The following ENO3 variants were observed in gnomAD, a reference collection of about 807,000 sequenced individuals.
ENO3 encodes enolase 3, also known as beta-enolase.
In ENO3, 46 loss-of-function variants were observed where a neutral mutation model predicts 47.7. That is an observed-to-expected ratio of 0.96 (90% CI 0.76 to 1.23). The LOEUF (loss-of-function observed/expected upper bound fraction) is 1.23. Among genes scored for constraint, ENO3 ranks in the 50% most tolerant of loss-of-function variants. The probability of loss-of-function intolerance (pLI) is 0.00; values close to 1 mark genes in which losing one functional copy is unlikely to be tolerated. For missense variants in ENO3, 575 were observed against 566.2 expected (o/e 1.02, Z -0.16); for synonymous variants, 223 against 225.9 (o/e 0.99, Z 0.11).
intron 6 of ENO3, chr17:4,954,091 C>G (rs747486721): frequency 1.1e-5 from 7 of 611,444 alleles, no homozygotes; most frequent in South Asian, 1.9e-5. Context: ...ATCCTAGGCT[C>G]GATAACTCCA....
At chr17:4,955,657 A>G (rs768972207) in intron 8 of ENO3, 53 bp downstream of exon 8, 1 of 1,608,682 alleles carries the variant, frequency 6.2e-7, no homozygotes, top group South Asian at 1.1e-5. Flanking sequence ...GCAGCTGCCT[A>G]ATATACTGAT....
At chr17:4,950,072 G>T, upstream of ENO3, 1 of 152,012 alleles carries the variant, frequency 6.6e-6, no homozygotes, top group East Asian at 1.9e-4. Flanking sequence ...GGCCGGCGGG[G>T]CGGGGAGCAG....
intron 9 of ENO3, 181 bp downstream of exon 9, chr17:4,956,324 C>T (rs964528480): frequency 4.8e-5 from 39 of 818,768 alleles, no homozygotes; most frequent in Non-Finnish European, 6.5e-5. Context: ...AGCTTTGCCC[C>T]TGTGGCTCTG....
chr17:4,953,460 A>G (rs1971616213), intron 5 of ENO3, 119 bp downstream of exon 5: 1 of 1,470,206 alleles, frequency 6.8e-7, no homozygotes, highest in African/African-American at 1.4e-5. Context: ...CCGCAGCTGG[A>G]TGGATTTGTG....
At position 4,955,753 on chromosome 17, in the gene ENO3, C is replaced by T. The variant is rs528626466; in HGVS notation, c.865+149C>T. ...CCATTTAAGCTCTTCTGCCCTGTCA[C>T]CCCTCCATGAGGCTCCTTCTGACCT... is the stretch of plus-strand genomic sequence containing the variant. On this transcript the variant is annotated intron_variant, in intron 8 of 11. Coordinates refer to ENST00000519602, the MANE Select transcript of ENO3 (RefSeq NM_053013.4). The T allele has an allele frequency of 1.3e-4, 178 of 1,345,224 alleles. 1 individual carries two copies. In the South Asian group the frequency reaches 2.0e-3, roughly 15 times the overall value. 83.3% of individuals were successfully genotyped at this position (1,345,224 alleles called of 1,614,324 possible).
In ENO3 at chr17:4,952,818, A is replaced by G. The variant is rs1437923645; in HGVS notation, c.109A>G (p.Ser37Gly). ...AGGCCGATTCCGAGCAGCTGTGCCC[A>G]GTGGGGCTTCCACGGGTATCTATGA... is the stretch of plus-strand genomic sequence containing the variant. ...AKGRFRAAVP[S>G]GASTGIYEAL... is the part of the protein sequence containing the mutation. Residue 37 changes from serine to glycine, a missense_variant, in exon 3 of 12, where the codon AGT becomes GGT. Coordinates refer to ENST00000519602, the MANE Select transcript of ENO3 (RefSeq NM_053013.4). The G allele has an allele frequency of 1.2e-6, 2 of 1,611,570 alleles. No individual in the cohort carries two copies. Among genetic ancestry groups the G allele is most frequent in the East Asian group, 2.2e-5 (1 of 44,860 alleles).
At chr17:4,953,581 C>T in intron 5 of ENO3, 131 bp from the exon 6 acceptor site, 3 of 1,558,368 alleles carry the variant, frequency 1.9e-6, no homozygotes, top group Non-Finnish European at 2.6e-6. Flanking sequence ...CAGGGCTACT[C>T]AGGCTGTTGG....
At position 4,953,796 on chromosome 17, in the gene ENO3, G is replaced by A. The variant is rs1350153826; in HGVS notation, c.395G>A (p.Arg132His). Residue 132 changes from arginine (R) to histidine (H), a missense_variant, in exon 6 of 12, where the codon CGC becomes CAC. Transcript: ENST00000519602. ...GCTGAGAAGGGGGTCCCCCTGTACC[G>A]CCACATCGCAGATCTCGCTGGGAAC... ...GAAEKGVPLY[R>H]HIADLAGNPD... 3.1e-6 allele frequency: 5 copies of A among 1,614,158 alleles called. No individual in the cohort carries two copies. Among genetic ancestry groups the A allele is most frequent in the Non-Finnish European group, 4.2e-6 (5 of 1,180,010 alleles).
upstream of ENO3, chr17:4,948,747 G>A: frequency 3.5e-6 from 1 of 286,742 alleles, no homozygotes; most frequent in South Asian, 5.7e-5. Context: ...AGGATGGGGG[G>A]TGGCGGGAGA....
At chr17:4,950,756 C>A, upstream of ENO3, 1 of 859,566 alleles carries the variant, frequency 1.2e-6, no homozygotes, top group Non-Finnish European at 1.4e-6. Context: ...GCCCCCTCCC[C>A]AGCCTTGCAG....
chr17:4,953,081 A>G lies in ENO3; in HGVS notation c.212A>G (p.Asn71Ser), dbSNP rs238238. The G allele has an allele frequency of 0.68, 1,092,884 of 1,613,860 alleles. 374,841 individuals carry two copies. The highest frequency in any genetic ancestry group is 0.74 in the Admixed American group (44,327 of 60,018). Reference protein sequence around the residue: ...GVLKAVENINNTLGPALLQKK... With the variant: ...GVLKAVENINSTLGPALLQKK... ...CTGAAGGCTGTGGAGAACATCAACA[A>G]TACTCTGGGCCCTGCTCTGCTGCAA... is the stretch of plus-strand genomic sequence containing the variant. Residue 71 changes from asparagine (N) to serine (S), a missense_variant, in exon 4 of 12, where the codon AAT becomes AGT. By Grantham distance (46) the Asn-to-Ser change is conservative. Transcript: ENST00000519602.
At chr17:4,954,122 C>T in intron 6 of ENO3, 1 of 546,198 alleles carries the variant, frequency 1.8e-6, no homozygotes, top group East Asian at 3.2e-5. Context: ...AACCCCACAC[C>T]CTACACCCAA....
rs1398477839 is a variant in ENO3 at position 4,951,177 on chromosome 17, T to A, written c.-8T>A. 2.6e-5 allele frequency: 26 copies of A among 990,526 alleles called. No homozygotes were observed. The highest frequency in any genetic ancestry group is 3.0e-5 in the Non-Finnish European group (25 of 832,982). The allele number at this position is 990,526 out of a possible 1,614,324, so 61.4% of individuals were successfully genotyped here. ...TCCATCCAAACCTCCAGCGAAGACATCCCAGGTCGGGTGAATCTTCCAGCC... is the reference window on the plus strand; with the variant it reads ...TCCATCCAAACCTCCAGCGAAGACAACCCAGGTCGGGTGAATCTTCCAGCC... On this transcript the variant is annotated 5_prime_UTR_variant, in exon 1 of 12. Transcript: ENST00000519602.
At position 4,956,824 on chromosome 17, in the gene ENO3, T is replaced by G. The variant is rs1567674013; in HGVS notation, c.1177-7T>G. 1 of 1,614,130 alleles carries G rather than the reference T, an allele frequency of 6.2e-7. No individual in the cohort carries two copies. Among genetic ancestry groups the G allele is most frequent in the Admixed American group, 1.7e-5 (1 of 60,016 alleles). ...CCTAACCCTCCAAATTCTTCTTCCCTCATCAGATCAAGACTGGCGCCCCCT... is the reference window on the plus strand; with the variant it reads ...CCTAACCCTCCAAATTCTTCTTCCCGCATCAGATCAAGACTGGCGCCCCCT... On this transcript the variant is annotated splice_region_variant and splice_polypyrimidine_tract_variant and intron_variant, in intron 10 of 11. Coordinates refer to ENST00000519602, the MANE Select transcript of ENO3 (RefSeq NM_053013.4).
At chr17:4,951,343 C>T (rs907708758) in intron 1 of ENO3, 161 bp downstream of exon 1, 86 of 945,754 alleles carry the variant, frequency 9.1e-5, no homozygotes, top group Non-Finnish European at 1.0e-4. Flanking sequence ...ATGGGACAAA[C>T]TCTGGGAACA....
chr17:4,955,726 C>A, intron 8 of ENO3, 122 bp downstream of exon 8: 1 of 1,469,700 alleles, frequency 6.8e-7, no homozygotes, highest in South Asian at 1.2e-5. Flanking sequence ...CCATTAAAAT[C>A]CCCATTTAAG....
In ENO3 at chr17:4,955,605, G is replaced by T. The variant is rs111385580; in HGVS notation, c.865+1G>T. 6.2e-7 allele frequency: 1 copy of T among 1,614,218 alleles called. No individual in the cohort carries two copies. The highest frequency in any genetic ancestry group is 8.5e-7 in the Non-Finnish European group (1 of 1,180,040). ...AAGAGCTTTATCAAGAACTATCCTG[G>T]TGAGGCGTTCGGGTGTCCCAGTGTT... On this transcript the variant is annotated splice_donor_variant, in intron 8 of 11. Transcript: ENST00000519602. LOFTEE classifies it high-confidence loss of function.
At chr17:4,954,947 A>G (rs919546481) in intron 6 of ENO3, 128 bp from the exon 7 acceptor site, 1 of 737,508 alleles carries the variant, frequency 1.4e-6, no homozygotes, top group African/African-American at 1.8e-5. Flanking sequence ...CTTGAGCAAA[A>G]CTACTCATCC....
chr17:4,952,674 C>T, intron 2 of ENO3, 121 bp from the exon 3 acceptor site: 3 of 992,974 alleles, frequency 3.0e-6, no homozygotes, highest in Non-Finnish European at 4.6e-6. Flanking sequence ...GTTAGCCAGG[C>T]TGGTCTTGAA....
Sources: allele counts gnomAD v4.1 joint callset, GRCh38; gene constraint gnomAD v4.1.1; transcripts MANE v1.5; gene names NCBI Gene and HGNC (gene_info 2026-07-23, HGNC 2026-07-21).